Variants in ASCC3 observed in about 807,000 individuals in gnomAD.
ASCC3 encodes the protein activating signal cointegrator 1 complex subunit 3, also known as ASC-1 complex subunit P200.
Under a neutral mutation model 256.3 loss-of-function variants are expected in ASCC3, and 158 were observed. The observed-to-expected ratio is 0.62, with a 90% confidence interval of 0.54 to 0.70. The LOEUF is 0.70. ASCC3 is among the 30% of genes least tolerant of loss of function. ASCC3 has a pLI of 0.00. For missense variants in ASCC3, 2,259 were observed against 2,626.0 expected, an observed-to-expected ratio of 0.86 and a Z score of 3.05; for synonymous variants, 948 against 883.4, an observed-to-expected ratio of 1.07 and a Z score of -1.30.
chr6:100,659,122 TAGTC>T (rs1007037846), intron 16 of ASCC3, among the ~76,000 whole-genome samples: 9 of 151,430 alleles, frequency 5.9e-5, no homozygotes, highest in Non-Finnish European at 1.0e-4. Context: ...CCTAAACTAA[TAGTC>T]AGAATTGATA....
intron 14 of ASCC3, among the ~76,000 whole-genome samples, chr6:100,675,048 C>T (rs1776941118): frequency 6.6e-6 from 1 of 151,274 alleles, no homozygotes; most frequent in Admixed American, 6.6e-5. Flanking sequence ...TGCTTAGATC[C>T]AAAGTTTTTA....
chr6:100,669,291 T>C (rs758515790), intron 14 of ASCC3, among the ~76,000 whole-genome samples: 1 of 149,532 alleles, frequency 6.7e-6, no homozygotes, highest in Non-Finnish European at 1.5e-5. Flanking sequence ...TAAAAATATA[T>C]TTTATAAAAG....
intron 13 of ASCC3, among the ~76,000 whole-genome samples, chr6:100,688,340 T>G (rs1489604621): frequency 6.6e-6 from 1 of 152,062 alleles, no homozygotes; most frequent in African/African-American, 2.4e-5. Flanking sequence ...AGCATTTAGA[T>G]ATGTATATCT....
At chr6:100,851,905 C>T (rs1772688845) in intron 3 of ASCC3, among the ~76,000 whole-genome samples, 1 of 152,206 alleles carries the variant, frequency 6.6e-6, no homozygotes, top group Non-Finnish European at 1.5e-5. Context: ...TCACCATCTT[C>T]CTGCAACCAC....
intron 13 of ASCC3, among the ~76,000 whole-genome samples, chr6:100,691,281 A>T (rs1777836096): frequency 1.3e-5 from 2 of 152,062 alleles, no homozygotes; most frequent in Admixed American, 1.3e-4. Context: ...GACCCCAGAA[A>T]ATACAACAAA....
intron 25 of ASCC3, among the ~76,000 whole-genome samples, chr6:100,633,463 T>C (rs1044723259): frequency 2.0e-5 from 3 of 152,014 alleles, no homozygotes; most frequent in African/African-American, 7.2e-5. Context: ...AGTGAAAAGA[T>C]GAAAGTTCTT....
At chr6:100,573,101 T>C (rs1770680441) in intron 36 of ASCC3, among the ~76,000 whole-genome samples, 2 of 152,126 alleles carry the variant, frequency 1.3e-5, no homozygotes, top group Admixed American at 1.3e-4. Flanking sequence ...GTGGGTTGGA[T>C]TGAATGTTGG....
intron 37 of ASCC3, among the ~76,000 whole-genome samples, chr6:100,526,715 G>A (rs946341709): frequency 5.3e-5 from 8 of 152,142 alleles, no homozygotes; most frequent in African/African-American, 1.4e-4. Context: ...GCACCACTGT[G>A]TGGTCCTTTG....
chr6:100,607,957 G>A (rs1241548328), intron 30 of ASCC3, among the ~76,000 whole-genome samples: 1 of 138,774 alleles, frequency 7.2e-6, no homozygotes, highest in Non-Finnish European at 1.6e-5. Context: ...TTTTCTAATT[G>A]GCTTGTGATC....
intron 4 of ASCC3, among the ~76,000 whole-genome samples, chr6:100,824,907 T>C (rs1258714025): frequency 6.6e-6 from 1 of 152,144 alleles, no homozygotes; most frequent in East Asian, 1.9e-4. Flanking sequence ...TTGTTTCTTT[T>C]TGGTTTTTTT....
chr6:100,827,305 T>G (rs1771366208), intron 4 of ASCC3, among the ~76,000 whole-genome samples: 1 of 152,212 alleles, frequency 6.6e-6, no homozygotes, highest in Non-Finnish European at 1.5e-5. Context: ...CTCATTACCC[T>G]TAAAATCCTG....
At chr6:100,590,208 T>A in intron 34 of ASCC3, 149 bp from the exon 35 acceptor site, 1 of 664,366 alleles carries the variant, frequency 1.5e-6, no homozygotes, top group South Asian at 1.9e-5. Context: ...GAAATATTAA[T>A]CTTGGGTGGT....
chr6:100,663,531 T>G (rs1323176460), intron 14 of ASCC3, among the ~76,000 whole-genome samples: 1 of 152,054 alleles, frequency 6.6e-6, no homozygotes, highest in East Asian at 1.9e-4. Flanking sequence ...GTCACCCTTA[T>G]TTTACTTAAT....
intron 10 of ASCC3, among the ~76,000 whole-genome samples, chr6:100,726,527 T>C (rs986050485): frequency 6.6e-6 from 1 of 151,958 alleles, no homozygotes; most frequent in Non-Finnish European, 1.5e-5. Context: ...CCAATGAGTA[T>C]TTTCTTGGAG....
intron 4 of ASCC3, among the ~76,000 whole-genome samples, chr6:100,824,695 T>A (rs756340494): frequency 7.0e-6 from 1 of 142,270 alleles, no homozygotes; most frequent in Non-Finnish European, 1.5e-5. Context: ...TAAAATAAAT[T>A]AAGAGTATTA....
chr6:100,594,117 T>TG (rs898199885), intron 34 of ASCC3, among the ~76,000 whole-genome samples: 2 of 152,134 alleles, frequency 1.3e-5, no homozygotes, highest in African/African-American at 4.8e-5. Flanking sequence ...TGGTGTGCTG[T>TG]GGCGAGGACT....
chr6:100,807,158 C>T (rs1770225716), intron 4 of ASCC3, among the ~76,000 whole-genome samples: 1 of 151,574 alleles, frequency 6.6e-6, no homozygotes, highest in African/African-American at 2.4e-5. Flanking sequence ...AAAAAAGATA[C>T]CAAATTCGGT....
chr6:100,669,103 T>C (rs1317120313), intron 14 of ASCC3, among the ~76,000 whole-genome samples: 1 of 151,148 alleles, frequency 6.6e-6, no homozygotes, highest in Non-Finnish European at 1.5e-5. Flanking sequence ...AATAAAAGAA[T>C]TTGGAAAGAT....
At chr6:100,546,262 A>T (rs1316935357) in intron 36 of ASCC3, among the ~76,000 whole-genome samples, 1 of 152,212 alleles carries the variant, frequency 6.6e-6, no homozygotes, top group Non-Finnish European at 1.5e-5. Flanking sequence ...GGATCCAACT[A>T]AATGAAGGGT....
Sources: gnomAD v4.1 joint callset for allele counts (sites outside exome capture counted in the v4.1 genomes callset) on GRCh38, gnomAD v4.1.1 for gene constraint, MANE v1.5 for transcripts, NCBI Gene and HGNC (gene_info 2026-07-23, HGNC 2026-07-21) for gene names.